PAPPA2: variants seen among roughly 807,000 people sequenced by gnomAD.
PAPPA2 encodes the protein pappalysin-2.
In PAPPA2, 86 loss-of-function variants were observed where a neutral mutation model predicts 176.4. The ratio of observed to expected loss-of-function variants is 0.49; its 90% CI spans 0.41 to 0.58. The LOEUF is 0.58. PAPPA2 is among the 20% of genes least tolerant of loss of function. The probability of loss-of-function intolerance (pLI) is 0.00; values close to 1 mark genes in which losing one functional copy is unlikely to be tolerated. For synonymous variants in PAPPA2, 809 were observed against 852.2 expected (o/e 0.95, Z 0.88); for missense variants, 2,073 against 2,256.9 (o/e 0.92, Z 1.65).
chr1:176,702,799 G>A (rs893630906), intron 9 of PAPPA2, 64 bp downstream of exon 9: 494 of 1,555,384 alleles, frequency 3.2e-4, no homozygotes, highest in Non-Finnish European at 4.2e-4. Context: ...GAGAGAGAGA[G>A]AGAGGGAGGG....
intron 1 of PAPPA2, among the ~76,000 whole-genome samples, chr1:176,481,108 C>T (rs1012387104): frequency 3.3e-5 from 5 of 152,072 alleles, no homozygotes; most frequent in Admixed American, 1.3e-4. Context: ...CGTAAAGTGA[C>T]GAAGAGGGAA....
At chr1:176,671,184 AGTTTGGGG>A in intron 4 of PAPPA2, 69 bp downstream of exon 4, 3 of 1,583,612 alleles carry the variant, frequency 1.9e-6, no homozygotes, top group Admixed American at 1.8e-5. Flanking sequence ...TGCGAAAGTA[AGTTTGGGG>A]AAAAAAGAAA....
intron 1 of PAPPA2, among the ~76,000 whole-genome samples, chr1:176,526,311 A>G (rs1352420700): frequency 6.6e-6 from 1 of 152,090 alleles, no homozygotes; most frequent in African/African-American, 2.4e-5. Flanking sequence ...CAGCTACCCT[A>G]TGTTTCCCAG....
intron 3 of PAPPA2, among the ~76,000 whole-genome samples, chr1:176,623,758 C>CCTTTCTTTCTTTCTTTCTTT (rs71129580): frequency 0.023 from 1,329 of 58,964 alleles, 53 homozygotes; most frequent in East Asian, 0.042. Flanking sequence ...TTCCTTCCTT[C>CCTTTCTTTCTTTCTTTCTTT]CTTTCTTTCT....
intron 1 of PAPPA2, among the ~76,000 whole-genome samples, chr1:176,538,926 A>T (rs1650223759): frequency 6.6e-6 from 1 of 152,170 alleles, no homozygotes; most frequent in Non-Finnish European, 1.5e-5. Flanking sequence ...ATGGCTGTTG[A>T]CATAACCTTT....
chr1:176,824,366 T>G (rs1666776576), intron 21 of PAPPA2, among the ~76,000 whole-genome samples: 1 of 152,212 alleles, frequency 6.6e-6, no homozygotes, highest in East Asian at 1.9e-4. Flanking sequence ...CAATCAAATT[T>G]AATAGTAAAC....
At chr1:176,796,542 G>A (rs960205223) in intron 20 of PAPPA2, among the ~76,000 whole-genome samples, 6 of 152,054 alleles carry the variant, frequency 3.9e-5, no homozygotes, top group African/African-American at 1.4e-4. Flanking sequence ...CCAGGCAACG[G>A]CCTTCATGGT....
At chr1:176,716,480 A>G (rs1170855671) in intron 12 of PAPPA2, among the ~76,000 whole-genome samples, 1 of 151,670 alleles carries the variant, frequency 6.6e-6, no homozygotes, top group African/African-American at 2.4e-5. Context: ...TCCTGACCTC[A>G]GGTGATCCTC....
Position 176,556,493 on chromosome 1 carries a change from A to G in PAPPA2, c.171A>G (p.Arg57=). 6.2e-7 allele frequency: 1 copy of G among 1,614,172 alleles called. No individual in the cohort carries two copies. Among genetic ancestry groups the G allele is most frequent in the Non-Finnish European group, 8.5e-7 (1 of 1,180,024 alleles). ...GERCWLGAKV[R]RPRASPQHHL... ...GTTGTTGGCTGGGGGCCAAGGTTCG[A>G]AGACCCAGAGCTTCTCCACAGCATC... The change falls in exon 2 of 23, where the codon CGA becomes CGG. Residue 57 remains arginine (R), a synonymous_variant. Transcript: ENST00000367662.
chr1:176,529,837 T>C (rs1649709837), intron 1 of PAPPA2, among the ~76,000 whole-genome samples: 1 of 152,166 alleles, frequency 6.6e-6, no homozygotes, highest in African/African-American at 2.4e-5. Context: ...TGCGTTTTGC[T>C]ACTTACTGTC....
At chr1:176,473,578 G>T (rs1651982484) in intron 1 of PAPPA2, among the ~76,000 whole-genome samples, 2 of 152,072 alleles carry the variant, frequency 1.3e-5, no homozygotes, top group East Asian at 1.9e-4. Flanking sequence ...GTATGGTAAG[G>T]GTATGTTTAG....
At chr1:176,534,283 C>T (rs990165727) in intron 1 of PAPPA2, among the ~76,000 whole-genome samples, 2 of 152,116 alleles carry the variant, frequency 1.3e-5, no homozygotes, top group African/African-American at 4.8e-5. Flanking sequence ...CTGTTTTTCC[C>T]AGGTTCTAAT....
At chr1:176,835,519 G>A (rs1412636428) in intron 21 of PAPPA2, among the ~76,000 whole-genome samples, 1 of 151,932 alleles carries the variant, frequency 6.6e-6, no homozygotes, top group Non-Finnish European at 1.5e-5. Context: ...ATCTTTTGTT[G>A]TTGTTGTTGT....
chr1:176,618,745 G>A (rs576847658), intron 3 of PAPPA2, among the ~76,000 whole-genome samples: 1 of 152,144 alleles, frequency 6.6e-6, no homozygotes, highest in Non-Finnish European at 1.5e-5. Context: ...TATGTGTGAG[G>A]CACTAGGATT....
chr1:176,771,258 T>C, intron 17 of PAPPA2, 78 bp downstream of exon 17: 2 of 1,434,674 alleles, frequency 1.4e-6, no homozygotes, highest in Non-Finnish European at 1.9e-6. Flanking sequence ...ATAATCTCTC[T>C]TTACCTGCAG....
chr1:176,667,928 T>C (rs974526022), intron 3 of PAPPA2, among the ~76,000 whole-genome samples: 3 of 152,108 alleles, frequency 2.0e-5, no homozygotes, highest in Admixed American at 2.0e-4. Flanking sequence ...GTAGTTGAAG[T>C]TTGCGTGTAC....
At chr1:176,807,154 G>A (rs1005814950) in intron 21 of PAPPA2, among the ~76,000 whole-genome samples, 1 of 152,158 alleles carries the variant, frequency 6.6e-6, no homozygotes, top group Non-Finnish European at 1.5e-5. Flanking sequence ...ATGTGATAAA[G>A]GTTAGTCAAA....
chr1:176,704,246 T>C (rs1415338362), intron 9 of PAPPA2, among the ~76,000 whole-genome samples: 1 of 152,208 alleles, frequency 6.6e-6, no homozygotes, highest in Non-Finnish European at 1.5e-5. Flanking sequence ...GCAAGGTTAC[T>C]TATCAAAATG....
rs200686091 is a variant in PAPPA2, at chr1:176,642,541, T to G, written c.1992-28429T>G. Among the ~76,000 whole-genome samples, 9 of 151,950 alleles carry G rather than the reference T, an allele frequency of 5.9e-5. No individual in the cohort carries two copies. In the East Asian group the frequency reaches 1.8e-3, roughly 30 times the overall value. ...GATGACTATAAGAAAGACCAGAGTT[T>G]GGTCAGTTTTGTGGCTTAAATGGAT... On this transcript the variant is annotated intron_variant, in intron 3 of 22. Transcript: ENST00000367662.
Sources: gnomAD v4.1 joint callset for allele counts (sites outside exome capture counted in the v4.1 genomes callset) on GRCh38, gnomAD v4.1.1 for gene constraint, MANE v1.5 for transcripts, NCBI Gene and HGNC (gene_info 2026-07-23, HGNC 2026-07-21) for gene names.